The following CHTF18 variants were observed in gnomAD, a reference collection of about 807,000 sequenced individuals.
CHTF18 encodes the protein chromosome transmission fidelity factor 18.
Under a neutral mutation model 113.4 loss-of-function variants are expected in CHTF18, and 151 were observed. That is an observed-to-expected ratio of 1.33 (90% CI 1.17 to 1.52). CHTF18 has a LOEUF of 1.52. Ranked by LOEUF, CHTF18 falls within the 40% of genes most tolerant of loss-of-function variation. CHTF18 has a pLI of 0.00. For missense variants in CHTF18, 1,982 were observed against 1,381.6 expected (o/e 1.43, Z -6.89); for synonymous variants, 916 against 598.8 (o/e 1.53, Z -7.74).
Position 789,620 on chromosome 16 carries a change from C to T in CHTF18, c.511C>T (p.Pro171Ser), listed in dbSNP as rs373908849. ...TGCCCGCAATCCCGTCCTGAGGCGG[C>T]CCCCCATCTTGGAGGACTACGTCCA... Reference protein sequence around the residue: ...PAARNPVLRRPPILEDYVHVT... With the variant: ...PAARNPVLRRSPILEDYVHVT... Residue 171 changes from proline to serine, a missense_variant, in exon 4 of 22, where the codon CCC becomes TCC. Physicochemically the swap from Pro to Ser is moderately conservative, Grantham distance 74. Coordinates refer to ENST00000262315, the MANE Select transcript of CHTF18 (RefSeq NM_022092.3). 4.8e-5 allele frequency: 77 copies of T among 1,608,624 alleles called. No homozygotes were observed. In the African/African-American group the frequency reaches 6.9e-4, roughly 14 times the overall value.
intron 20 of CHTF18, 115 bp downstream of exon 20, chr16:797,207 T>G (rs34969047): frequency 0.051 from 62,599 of 1,233,828 alleles, 5,853 homozygotes; most frequent in African/African-American, 0.31. Context: ...GGTACCTTTG[T>G]GGGTGTGGCT....
At position 794,067 on chromosome 16, in the gene CHTF18, C is replaced by T. The variant is rs1448969703; in HGVS notation, c.1816C>T (p.Gln606Ter). ...CCCCACCTGCAGGCGCCGTGTGGGC[C>T]AGGACCCCGCCCTGCCTGCTGACAC... ...LPRAQRRRVGQDPALPADTLL... is the reference protein window; with the variant it reads ...LPRAQRRRVG Residue 606 changes from glutamine (Q) to a stop codon, truncating the protein, a stop_gained, in exon 15 of 22, where the codon CAG (glutamine) becomes TAG (stop). Transcript: ENST00000262315. LOFTEE classifies it high-confidence loss of function. The T allele has an allele frequency of 1.2e-6, 2 of 1,611,232 alleles. No homozygotes were observed. Among genetic ancestry groups the T allele is most frequent in the Non-Finnish European group, 1.7e-6 (2 of 1,179,480 alleles).
chr16:793,001 G>A lies in CHTF18; in HGVS notation c.1608G>A (p.Gly536=). 1 of 1,565,720 alleles carries A rather than the reference G, an allele frequency of 6.4e-7. No individual in the cohort carries two copies. Among genetic ancestry groups the A allele is most frequent in the Non-Finnish European group, 8.7e-7 (1 of 1,155,976 alleles). ...GGCAGGGCATGAGGGCCGACCCAGG[G>A]GTGCTGGCCGCCCTCTGTGAGAAAA... The part of the protein sequence containing the change: ...SLRQGMRADP[G]VLAALCEKTD... The change falls in exon 13 of 22, where the codon GGG becomes GGA. Residue 536 remains glycine (G), a synonymous_variant. Coordinates refer to ENST00000262315, the MANE Select transcript of CHTF18 (RefSeq NM_022092.3).
Position 790,225 on chromosome 16 carries a change from C to T in CHTF18, c.655C>T (p.Leu219=), listed in dbSNP as rs746622093. 16 of 1,606,240 alleles carry T rather than the reference C, an allele frequency of 1.0e-5. No individual in the cohort carries two copies. The highest frequency in any genetic ancestry group is 2.2e-5 in the South Asian group (2 of 89,768). Residue 219 remains leucine, a synonymous_variant, in exon 5 of 22, where the codon CTG becomes TTG. Transcript: ENST00000262315. The part of the protein sequence containing the change: ...PWRGGGQLDL[L]GVSLASLKKQ... ...GCGAGGCGGTGGCCAGCTGGACCTG[C>T]TGGGTGTGTCCTTAGCCTCCCTGAA...
rs1403309071 is a variant in CHTF18, at chr16:795,168, G to A, written c.1987G>A (p.Asp663Asn). 1 of 1,556,116 alleles carries A rather than the reference G, an allele frequency of 6.4e-7. No homozygotes were observed. The highest frequency in any genetic ancestry group is 1.4e-5 in the African/African-American group (1 of 73,282). Residue 663 changes from aspartate (D) to asparagine (N), a missense_variant, in exon 16 of 22, where the codon GAC (aspartate) becomes AAC (asparagine). Coordinates refer to ENST00000262315, the MANE Select transcript of CHTF18 (RefSeq NM_022092.3). ...CAACTTCCTGCGTCTGCGGCTGCGA[G>A]ACTCCAGCCTGGGTGCTGTGTGTGT... ...FDNFLRLRLR[D>N]SSLGAVCVAL...
rs367695694 is a variant in CHTF18 at position 790,684 on chromosome 16, C to A, written c.894+18C>A. ...GTGATGACGTGAGGTCTTGTTCTCA[C>A]TCAAGTGTGGCTGGCTTCCTCTGTT... On this transcript the variant is annotated intron_variant, in intron 7 of 21. Coordinates refer to ENST00000262315, the MANE Select transcript of CHTF18 (RefSeq NM_022092.3). 5.3e-6 allele frequency: 8 copies of A among 1,518,972 alleles called. No homozygotes were observed. The highest frequency in any genetic ancestry group is 2.2e-5 in the Admixed American group (1 of 45,352). 94.1% of individuals were successfully genotyped at this position (1,518,972 alleles called of 1,614,324 possible).
In CHTF18 at chr16:791,394, C is replaced by G. The variant is rs535883233; in HGVS notation, c.1104+24C>G. 1.1e-4 allele frequency: 176 copies of G among 1,576,826 alleles called. 3 individuals are homozygous for G. The South Asian group carries it at 1.8e-3, about 17-fold the overall frequency. On this transcript the variant is annotated intron_variant, in intron 8 of 21. Transcript: ENST00000262315. ...AGGTGAGCCCCGCTGGCTGTGCCGCCGGGAACAAGCCTGAGGCTTTGCACT... is the reference window on the plus strand; with the variant it reads ...AGGTGAGCCCCGCTGGCTGTGCCGCGGGGAACAAGCCTGAGGCTTTGCACT...
In CHTF18 at chr16:792,378, GGGCGGGCAGGCA is replaced by G. The variant is rs745832469; in HGVS notation, c.1326+41_1327-40del. 232 of 1,561,064 alleles carry G rather than the reference GGGCGGGCAGGCA, an allele frequency of 1.5e-4. 3 individuals are homozygous for G. The South Asian group carries it at 2.5e-3, about 17-fold the overall frequency. ...CTCCTTGATGCCTGGGTAGGTGGGT[GGGCGGGCAGGCA>G]GGCGGGCAGCAGGGCCTGGACTCAC... On this transcript the variant is annotated intron_variant, in intron 10 of 21. Transcript: ENST00000262315.
chr16:791,803 G>A (rs370469005), intron 8 of CHTF18, 48 bp from the exon 9 acceptor site: 230 of 1,553,338 alleles, frequency 1.5e-4, no homozygotes, highest in Middle Eastern at 5.2e-4. Context: ...GGCCGGGAGC[G>A]TCCTGTAGGT....
intron 8 of CHTF18, 174 bp from the exon 9 acceptor site, chr16:791,677 T>G: frequency 1.4e-6 from 2 of 1,427,762 alleles, no homozygotes; most frequent in Non-Finnish European, 1.8e-6. Flanking sequence ...GTAGGTTTTT[T>G]TTTCCGTTGC....
intron 9 of CHTF18, 68 bp from the exon 10 acceptor site, chr16:792,156 C>T: frequency 6.5e-7 from 1 of 1,530,886 alleles, no homozygotes; most frequent in Non-Finnish European, 8.8e-7. Flanking sequence ...TGCGGCAGCC[C>T]CGGCCTTGGG....
chr16:791,145 C>T lies in CHTF18; in HGVS notation c.895-16C>T, dbSNP rs753094586. ...GGTGCCCTCAGGCTGTGCTTCCCTT[C>T]CCGTCCTTCCCGCAGTTCACCAACC... On this transcript the variant is annotated splice_polypyrimidine_tract_variant and intron_variant, in intron 7 of 21. Coordinates refer to ENST00000262315, the MANE Select transcript of CHTF18 (RefSeq NM_022092.3). 1 of 1,602,958 alleles carries T rather than the reference C, an allele frequency of 6.2e-7. No individual in the cohort carries two copies. The highest frequency in any genetic ancestry group is 2.3e-5 in the East Asian group (1 of 44,430).
Position 796,199 on chromosome 16 carries a change from C to T in CHTF18, c.2456+122C>T, listed in dbSNP as rs1023002527. On this transcript the variant is annotated intron_variant, in intron 18 of 21. Transcript: ENST00000262315. ...GTCATGGCGTCTGGGGGTGGCGGGC[C>T]CCAGCTTATCTTTTGCTCAGATGTA... is the stretch of plus-strand genomic sequence containing the variant. 13 of 1,304,512 alleles carry T rather than the reference C, an allele frequency of 1.0e-5. No homozygotes were observed. The Admixed American group carries it at 1.7e-4, about 17-fold the overall frequency. The allele number at this position is 1,304,512 out of a possible 1,614,324, so 80.8% of individuals were successfully genotyped here.
chr16:788,672 G>T lies in CHTF18; in HGVS notation c.-13G>T, dbSNP rs767123631. 3 of 1,526,876 alleles carry T rather than the reference G, an allele frequency of 2.0e-6. No homozygotes were observed. Among genetic ancestry groups the T allele is most frequent in the African/African-American group, 2.9e-5 (2 of 69,672 alleles). The allele number at this position is 1,526,876 out of a possible 1,614,324, so 94.6% of individuals were successfully genotyped here. On this transcript the variant is annotated 5_prime_UTR_variant, in exon 1 of 22. Coordinates refer to ENST00000262315, the MANE Select transcript of CHTF18 (RefSeq NM_022092.3). ...CGGGAGGTTCGGAGCGGGAGCTCGG[G>T]CTCGCGGACGGTATGGAGGACTACG...
Position 788,953 on chromosome 16 carries a change from CG to C in CHTF18, c.118del (p.Val40SerfsTer71). 1 of 1,562,910 alleles carries C rather than the reference CG, an allele frequency of 6.4e-7. No homozygotes were observed. On this transcript the variant is annotated frameshift_variant, in exon 2 of 22. Transcript: ENST00000262315. LOFTEE classifies it high-confidence loss of function. ...CAGGGGCGTCGACTCCGTCGCCCTC[CG>C]GGGTCCCCCTGTTCACCGCGGGCCG... ...LEGASTPSPS[G>X]VPLFTAGRPP...
intron 14 of CHTF18, chr16:793,532 G>A (rs2042258767): frequency 2.2e-5 from 13 of 591,166 alleles, no homozygotes; most frequent in South Asian, 2.0e-4. Context: ...CCTCCAGGGC[G>A]TCCCTCTCCA....
intron 3 of CHTF18, 25 bp from the exon 4 acceptor site, chr16:789,522 C>T (rs1027001709): frequency 1.3e-6 from 2 of 1,573,642 alleles, no homozygotes; most frequent in South Asian, 2.3e-5. Context: ...TGAGTTTCTG[C>T]CACTGAGCCC....
At chr16:796,202 A>G in intron 18 of CHTF18, 125 bp downstream of exon 18, 1 of 1,294,624 alleles carries the variant, frequency 7.7e-7, no homozygotes. Context: ...GGCGGGCCCC[A>G]GCTTATCTTT....
At position 797,851 on chromosome 16, in the gene CHTF18, C is replaced by T. The variant is rs758615207; in HGVS notation, c.2804C>T (p.Pro935Leu). Residue 935 changes from proline to leucine, a missense_variant, in exon 22 of 22, where the codon CCG becomes CTG. Coordinates refer to ENST00000262315, the MANE Select transcript of CHTF18 (RefSeq NM_022092.3). ...TAVPSAGDTA[P>L]EQDSVERRMG... ...TGTGGCCCCGCAGGGGACACGGCCC[C>T]GGAGCAGGACTCAGTGGAGCGGCGC... The T allele has an allele frequency of 4.4e-5, 70 of 1,605,160 alleles. No individual in the cohort carries two copies. Among genetic ancestry groups the T allele is most frequent in the East Asian group, 1.1e-4 (5 of 44,544 alleles).
Sources: gnomAD v4.1 joint callset for allele counts on GRCh38, gnomAD v4.1.1 for gene constraint, MANE v1.5 for transcripts, NCBI Gene and HGNC (gene_info 2026-07-23, HGNC 2026-07-21) for gene names.